The following GADD45B variants were observed in gnomAD, a reference collection of about 807,000 sequenced individuals.
The protein encoded by GADD45B is growth arrest and DNA damage inducible beta, also known as growth arrest and DNA damage-inducible protein GADD45 beta.
GADD45B carries 8 observed loss-of-function variants against 15.2 expected under a neutral mutation model. That is an observed-to-expected ratio of 0.53 (90% CI 0.31 to 0.95). The LOEUF is 0.95. GADD45B is among the 40% of genes least tolerant of loss of function. The pLI is 0.05. For missense variants in GADD45B, 162 were observed against 216.6 expected, an observed-to-expected ratio of 0.75 and a Z score of 1.58; for synonymous variants, 100 against 89.8, an observed-to-expected ratio of 1.11 and a Z score of -0.64.
At position 2,477,038 on chromosome 19, in the gene GADD45B, C is replaced by T; in HGVS notation, c.156C>T (p.Asp52=). The change falls in exon 3 of 4, where the codon GAC becomes GAT. Residue 52 remains aspartate, a synonymous_variant. Coordinates refer to ENST00000215631, the MANE Select transcript of GADD45B (RefSeq NM_015675.4). The surrounding 1 kb of genome is among the most constrained non-coding windows in gnomAD (Gnocchi z 4.2). ...CCTTTGGCCCCCTCAGGGACCCAGACAGCGTGGTCCTCTGCCTCTTGGCCA... is the reference window on the plus strand; with the variant it reads ...CCTTTGGCCCCCTCAGGGACCCAGATAGCGTGGTCCTCTGCCTCTTGGCCA... ...ESAKLMNVDP[D]SVVLCLLAID... 1 of 1,612,282 alleles carries T rather than the reference C, an allele frequency of 6.2e-7. No individual in the cohort carries two copies. The highest frequency in any genetic ancestry group is 8.5e-7 in the Non-Finnish European group (1 of 1,178,606).
chr19:2,476,518 C>A lies in GADD45B; in HGVS notation c.45-11C>A, dbSNP rs770224212. The A allele has an allele frequency of 6.8e-6, 11 of 1,607,120 alleles. No homozygotes were observed. The highest frequency in any genetic ancestry group is 5.1e-6 in the Non-Finnish European group (6 of 1,175,042). ...GTCCGCCCGTCACTGATCCCTCTTT[C>A]CTGGTCTCAGGATGCAGACGGTGAC... is the stretch of plus-strand genomic sequence containing the variant. On this transcript the variant is annotated splice_polypyrimidine_tract_variant and intron_variant, in intron 1 of 3. Coordinates refer to ENST00000215631, the MANE Select transcript of GADD45B (RefSeq NM_015675.4).
chr19:2,476,427 C>A, intron 1 of GADD45B, 25 bp downstream of exon 1: 1 of 1,610,142 alleles, frequency 6.2e-7, no homozygotes, highest in East Asian at 2.2e-5. Context: ...CTGCCGCCGC[C>A]TGAGGTCAGC....
rs754310989 is a variant in GADD45B, at chr19:2,477,153, C to A, written c.271C>A (p.Arg91=). The A allele has an allele frequency of 6.2e-7, 1 of 1,613,560 alleles. No homozygotes were observed. The highest frequency in any genetic ancestry group is 8.5e-7 in the Non-Finnish European group (1 of 1,179,856). The change falls in exon 3 of 4, where the codon CGG becomes AGG. Residue 91 remains arginine, a synonymous_variant. Transcript: ENST00000215631. The surrounding 1 kb of genome is among the most constrained non-coding windows in gnomAD (Gnocchi z 4.2). ...FCCDNDINIV[R]VSGMQRLAQL... ...CTGTGACAACGACATCAACATCGTG[C>A]GGGTGTCGGGCATGCAGCGCCTGGC...
In GADD45B at chr19:2,477,416, C is replaced by A; in HGVS notation, c.370-72C>A. 8.7e-7 allele frequency: 1 copy of A among 1,154,198 alleles called. No individual in the cohort carries two copies. Among genetic ancestry groups the A allele is most frequent in the Non-Finnish European group, 1.3e-6 (1 of 790,870 alleles). The allele number at this position is 1,154,198 out of a possible 1,614,324, so 71.5% of individuals were successfully genotyped here. On this transcript the variant is annotated intron_variant, in intron 3 of 3. Coordinates refer to ENST00000215631, the MANE Select transcript of GADD45B (RefSeq NM_015675.4). This position sits in a 1 kb window ranked among gnomAD's most constrained non-coding sequence, Gnocchi z 4.2. Reference sequence around the variant, plus strand: ...CCTCACCCAGGAAGCTATTTTGAGCCTGACTGTTTTCCCCACACAGGGGCC... The same window carrying A: ...CCTCACCCAGGAAGCTATTTTGAGCATGACTGTTTTCCCCACACAGGGGCC...
At chr19:2,476,704 C>A in intron 2 of GADD45B, 74 bp downstream of exon 2, 1 of 901,182 alleles carries the variant, frequency 1.1e-6, no homozygotes, top group Non-Finnish European at 1.7e-6. Flanking sequence ...GCTTTCCGCA[C>A]GCTTGTCTTG....
Position 2,476,572 on chromosome 19 carries a change from G to A in GADD45B, c.88G>A (p.Ala30Thr), listed in dbSNP as rs773051830. 6.2e-7 allele frequency: 1 copy of A among 1,603,368 alleles called. No individual in the cohort carries two copies. Among genetic ancestry groups the A allele is most frequent in the South Asian group, 1.1e-5 (1 of 90,054 alleles). ...CGCGGTGGAGGAGCTTTTGGTGGCC[G>A]CTCAGCGCCAGGATCGCCTCACAGT... ...TAAVEELLVA[A>T]QRQDRLTVGV... is the part of the protein sequence containing the mutation. Residue 30 changes from alanine to threonine, a missense_variant, in exon 2 of 4, where the codon GCT becomes ACT. Physicochemically the swap from Ala to Thr is moderately conservative, Grantham distance 58 (BLOSUM62 0). Coordinates refer to ENST00000215631, the MANE Select transcript of GADD45B (RefSeq NM_015675.4).
chr19:2,476,439 G>A (rs1020600024), intron 1 of GADD45B, 37 bp downstream of exon 1: 2 of 1,610,052 alleles, frequency 1.2e-6, no homozygotes, highest in South Asian at 1.1e-5. Flanking sequence ...GAGGTCAGCC[G>A]GGACGGGATG....
Position 2,477,495 on chromosome 19 carries a change from A to G in GADD45B, c.377A>G (p.His126Arg). 1 of 1,610,838 alleles carries G rather than the reference A, an allele frequency of 6.2e-7. No homozygotes were observed. Among genetic ancestry groups the G allele is most frequent in the Non-Finnish European group, 8.5e-7 (1 of 1,177,148 alleles). The change falls in exon 4 of 4, where the codon CAC becomes CGC. Residue 126 changes from histidine to arginine, a missense_variant. Coordinates refer to ENST00000215631, the MANE Select transcript of GADD45B (RefSeq NM_015675.4). The surrounding 1 kb of genome is among the most constrained non-coding windows in gnomAD (Gnocchi z 4.2). ...TTCTTTTCCCTCCTACAGAACCCTCACACGGACGCCTGGAAGAGCCACGGC... is the reference window on the plus strand; with the variant it reads ...TTCTTTTCCCTCCTACAGAACCCTCGCACGGACGCCTGGAAGAGCCACGGC... ...DLHCLLVTNP[H>R]TDAWKSHGLV...
chr19:2,477,364 G>A lies in GADD45B; in HGVS notation c.369+113G>A. The A allele has an allele frequency of 2.9e-6, 3 of 1,017,616 alleles. No individual in the cohort carries two copies. The highest frequency in any genetic ancestry group is 4.3e-6 in the Non-Finnish European group (3 of 693,434). 63.0% of individuals were successfully genotyped at this position (1,017,616 alleles called of 1,614,324 possible). On this transcript the variant is annotated intron_variant, in intron 3 of 3. Transcript: ENST00000215631. The surrounding 1 kb of genome is among the most constrained non-coding windows in gnomAD (Gnocchi z 4.2). ...CTCAGCGCTCAGCCACGTTTGGCATGTCCCGTGGGCAGCCGGGCTGGGGCC... is the reference window on the plus strand; with the variant it reads ...CTCAGCGCTCAGCCACGTTTGGCATATCCCGTGGGCAGCCGGGCTGGGGCC...
At chr19:2,476,807 C>A (rs1307909430) in intron 2 of GADD45B, 177 bp downstream of exon 2, 2 of 610,228 alleles carry the variant, frequency 3.3e-6, no homozygotes, top group Admixed American at 5.9e-5. Flanking sequence ...CCTGATGTAT[C>A]GTCTGCAAAC....
At position 2,476,133 on chromosome 19, in the gene GADD45B, C is replaced by G. The variant is rs1972307729; in HGVS notation, c.-226C>G. The G allele has an allele frequency of 3.3e-6, 2 of 598,342 alleles. No homozygotes were observed. The highest frequency in any genetic ancestry group is 2.8e-5 in the East Asian group (1 of 35,872). The allele number at this position is 598,342 out of a possible 1,614,324, so 37.1% of individuals were successfully genotyped here. ...TGCCGGAGGCTCCCAGCTCAGATCG[C>G]CGAAGCGTCGGACTACCGTTGGTTT... On this transcript the variant is annotated 5_prime_UTR_variant, in exon 1 of 4. Coordinates refer to ENST00000215631, the MANE Select transcript of GADD45B (RefSeq NM_015675.4).
intron 1 of GADD45B, 55 bp downstream of exon 1, chr19:2,476,457 T>A: frequency 6.2e-7 from 1 of 1,605,592 alleles, no homozygotes; most frequent in Non-Finnish European, 8.5e-7. Context: ...ATGGGTCGGG[T>A]TGGGCCGGGC....
intron 1 of GADD45B, 51 bp from the exon 2 acceptor site, chr19:2,476,478 A>G (rs1187741199): frequency 6.3e-7 from 1 of 1,598,286 alleles, no homozygotes; most frequent in Admixed American, 1.7e-5. Context: ...CGGGAGCGGA[A>G]CGTAGCACCC....
At position 2,477,586 on chromosome 19, in the gene GADD45B, T is replaced by G; in HGVS notation, c.468T>G (p.Ser156=). 1 of 1,600,342 alleles carries G rather than the reference T, an allele frequency of 6.2e-7. No homozygotes were observed. Among genetic ancestry groups the G allele is most frequent in the South Asian group, 1.1e-5 (1 of 90,760 alleles). ...RGNNQWVPYI[S]LQER The stretch of plus-strand genomic sequence containing the variant: ...ACAACCAGTGGGTCCCCTACATCTC[T>G]CTTCAGGAACGCTGAGGCCCTTCCC... Residue 156 remains serine (S), a synonymous_variant, in exon 4 of 4, where the codon TCT becomes TCG. Transcript: ENST00000215631. The surrounding 1 kb of genome is among the most constrained non-coding windows in gnomAD (Gnocchi z 4.2).
chr19:2,476,678 C>T (rs986821140), intron 2 of GADD45B, 48 bp downstream of exon 2: 3 of 1,126,986 alleles, frequency 2.7e-6, no homozygotes, highest in Non-Finnish European at 3.9e-6. Context: ...GACGGGACCT[C>T]CCCTCCGCTC....
chr19:2,476,666 G>A, intron 2 of GADD45B, 36 bp downstream of exon 2: 1 of 1,284,720 alleles, frequency 7.8e-7, no homozygotes, highest in Non-Finnish European at 1.1e-6. Context: ...GGGCGCGGGT[G>A]GGACGGGACC....
intron 2 of GADD45B, 23 bp downstream of exon 2, chr19:2,476,653 G>A: frequency 7.0e-7 from 1 of 1,436,824 alleles, no homozygotes; most frequent in Non-Finnish European, 9.5e-7. Flanking sequence ...CCCTTCCCGG[G>A]CTGGGCGCGG....
In GADD45B at chr19:2,476,644, C is replaced by T; in HGVS notation, c.146+14C>T. On this transcript the variant is annotated intron_variant, in intron 2 of 3. Coordinates refer to ENST00000215631, the MANE Select transcript of GADD45B (RefSeq NM_015675.4). The stretch of plus-strand genomic sequence containing the variant: ...GTTGATGAATGTGTGAGTCAGACCC[C>T]CTTCCCGGGCTGGGCGCGGGTGGGA... 1.3e-6 allele frequency: 2 copies of T among 1,483,378 alleles called. No individual in the cohort carries two copies. The highest frequency in any genetic ancestry group is 1.8e-6 in the Non-Finnish European group (2 of 1,089,710). 91.9% of individuals were successfully genotyped at this position (1,483,378 alleles called of 1,614,324 possible). A position where few individuals can be genotyped will look rare whatever the true frequency, so the allele number is the denominator to read the frequency against.
rs2302181 is a variant in GADD45B, at chr19:2,477,817, C to T, written c.*216C>T. ...CGGAGATCCAGGAGCTGGCGGCCGC[C>T]GATCCGATGGAGAAGGGGGGACCCA... is the stretch of plus-strand genomic sequence containing the variant. On this transcript the variant is annotated 3_prime_UTR_variant, in exon 4 of 4. Coordinates refer to ENST00000215631, the MANE Select transcript of GADD45B (RefSeq NM_015675.4). This position sits in a 1 kb window ranked among gnomAD's most constrained non-coding sequence, Gnocchi z 4.2. 3.3e-5 allele frequency: 14 copies of T among 419,594 alleles called. No individual in the cohort carries two copies. The East Asian group carries it at 6.4e-4, about 19-fold the overall frequency. The allele number at this position is 419,594 out of a possible 1,614,324, so 26.0% of individuals were successfully genotyped here.
Sources: allele counts gnomAD v4.1 joint callset, GRCh38; gene constraint gnomAD v4.1.1; non-coding constraint Gnocchi (gnomAD v3.1); transcripts MANE v1.5; gene names NCBI Gene and HGNC (gene_info 2026-07-23, HGNC 2026-07-21).